Variants in GSE1 observed in about 807,000 individuals in gnomAD.
The protein encoded by GSE1 is genetic suppressor element 1.
GSE1 carries 32 observed loss-of-function variants against 112.6 expected under a neutral mutation model. The ratio of observed to expected loss-of-function variants is 0.28; its 90% CI spans 0.21 to 0.38. The LOEUF is 0.38. Among genes scored for constraint, GSE1 ranks in the 10% least tolerant of loss-of-function variants. GSE1 has a pLI of 1.00. For missense variants in GSE1, 2,348 were observed against 1,699.2 expected, an observed-to-expected ratio of 1.38 and a Z score of -6.71; for synonymous variants, 1,115 against 735.6, an observed-to-expected ratio of 1.52 and a Z score of -8.35.
intron 11 of GSE1, chr16:85,664,558 G>C (rs2052682239): frequency 1.3e-5 from 2 of 154,942 alleles, no homozygotes; most frequent in Admixed American, 1.3e-4. Context: ...TGACATCAGG[G>C]ATCTGCTGCG....
chr16:85,596,844 T>A (rs1443761285), intron 1 of GSE1, among the ~76,000 whole-genome samples: 2 of 152,162 alleles, frequency 1.3e-5, no homozygotes, highest in Non-Finnish European at 2.9e-5. Flanking sequence ...GAGATCAGCC[T>A]GGCCAATGTG....
At chr16:85,283,665 A>C (rs2044925589) in intron 1 of GSE1, 1 of 152,308 alleles carries the variant, frequency 6.6e-6, no homozygotes, top group Non-Finnish European at 1.5e-5. Context: ...CCACAGCCCA[A>C]GGAAGGGCGC....
chr16:85,535,015 T>G (rs2044274767), intron 2 of GSE1, among the ~76,000 whole-genome samples: 1 of 152,210 alleles, frequency 6.6e-6, no homozygotes. Context: ...CACCTGTTTC[T>G]TAGAGCTGAT....
chr16:85,516,622 C>T (rs2051950526), intron 2 of GSE1, among the ~76,000 whole-genome samples: 1 of 150,834 alleles, frequency 6.6e-6, no homozygotes, highest in Admixed American at 6.6e-5. Context: ...AAGAAATTAC[C>T]CGAGACTCAG....
At chr16:85,334,828 C>G (rs971815523) in intron 1 of GSE1, among the ~76,000 whole-genome samples, 1 of 152,204 alleles carries the variant, frequency 6.6e-6, no homozygotes, top group Non-Finnish European at 1.5e-5. Context: ...AAAAGCTGTC[C>G]TTTTGTAAAA....
chr16:85,180,500 A>G (rs1336141783), intron 1 of GSE1, among the ~76,000 whole-genome samples: 1 of 152,258 alleles, frequency 6.6e-6, no homozygotes, highest in Non-Finnish European at 1.5e-5. Flanking sequence ...TGTCAGTGGC[A>G]GCAGCAGAGG....
At chr16:85,522,524 GCTGTTCTGAGAACTGC>G (rs2052222063) in intron 2 of GSE1, among the ~76,000 whole-genome samples, 1 of 152,196 alleles carries the variant, frequency 6.6e-6, no homozygotes, top group East Asian at 1.9e-4. Flanking sequence ...AGCCAGTGGT[GCTGTTCTGAGAACTGC>G]CTGTGTCTCC....
At chr16:85,366,931 G>A (rs1012710927) in intron 2 of GSE1, among the ~76,000 whole-genome samples, 9 of 152,334 alleles carry the variant, frequency 5.9e-5, no homozygotes, top group Admixed American at 1.3e-4. Context: ...AGCAGGAGTG[G>A]CTGTTCTGGA....
chr16:85,443,676 A>G (rs545689849), intron 2 of GSE1, among the ~76,000 whole-genome samples: 2 of 152,194 alleles, frequency 1.3e-5, no homozygotes, highest in African/African-American at 4.8e-5. Context: ...AGGAGGTGCA[A>G]TGCCACATCC....
At chr16:85,637,673 A>T (rs2151785348) in intron 2 of GSE1, among the ~76,000 whole-genome samples, 1 of 152,204 alleles carries the variant, frequency 6.6e-6, no homozygotes, top group East Asian at 1.9e-4. Flanking sequence ...TGTAAGTGGC[A>T]TGGGGAATTC....
At chr16:85,302,284 G>A (rs754859906) in intron 1 of GSE1, among the ~76,000 whole-genome samples, 17 of 152,096 alleles carry the variant, frequency 1.1e-4, no homozygotes, top group East Asian at 1.9e-4. Context: ...GGGGTGACTC[G>A]GAGTCATCCT....
intron 1 of GSE1, among the ~76,000 whole-genome samples, chr16:85,268,492 G>C (rs1337651951): frequency 6.6e-6 from 1 of 152,160 alleles, no homozygotes; most frequent in Admixed American, 6.5e-5. Context: ...GAGTGGGGAG[G>C]GGGGTTGCCA....
At chr16:85,361,644 C>G (rs2151580501) in intron 2 of GSE1, among the ~76,000 whole-genome samples, 1 of 152,324 alleles carries the variant, frequency 6.6e-6, no homozygotes, top group South Asian at 2.1e-4. Context: ...GTTTCTGACC[C>G]CCACTTCCCT....
chr16:85,337,524 C>G (rs1202920856), intron 1 of GSE1, among the ~76,000 whole-genome samples: 1 of 152,062 alleles, frequency 6.6e-6, no homozygotes, highest in Non-Finnish European at 1.5e-5. Context: ...CCAGGATGGT[C>G]TCGATCTCCT....
chr16:85,286,310 A>G (rs2045023124), intron 1 of GSE1, among the ~76,000 whole-genome samples: 1 of 152,260 alleles, frequency 6.6e-6, no homozygotes, highest in Admixed American at 6.5e-5. Flanking sequence ...GACTCATTCC[A>G]GATGGGAACA....
Position 85,480,425 on chromosome 16 carries a change from C to T in GSE1, c.2464+122782C>T, listed in dbSNP as rs143753402. On this transcript the variant is annotated intron_variant, in intron 2 of 2. Transcript: ENST00000637419. Reference sequence around the variant, plus strand: ...GAGCCTCCACCCCCCTCTGCCTGCTCCAGGGTCCCTGGTGAGCTCTGCCGC... The same window carrying T: ...GAGCCTCCACCCCCCTCTGCCTGCTTCAGGGTCCCTGGTGAGCTCTGCCGC... 1.9e-3 allele frequency among the ~76,000 whole-genome samples: 283 copies of T among 152,306 alleles called. 1 individual carries two copies. The highest frequency in any genetic ancestry group is 3.5e-3 in the Non-Finnish European group (236 of 68,022).
intron 1 of GSE1, among the ~76,000 whole-genome samples, chr16:85,579,250 T>TA (rs2046352734): frequency 6.6e-6 from 1 of 152,088 alleles, no homozygotes; most frequent in Non-Finnish European, 1.5e-5. Flanking sequence ...CAGAGGGCTC[T>TA]ACCCTTGGGG....
At chr16:85,269,922 C>G (rs1441283114) in intron 1 of GSE1, among the ~76,000 whole-genome samples, 2 of 149,494 alleles carry the variant, frequency 1.3e-5, no homozygotes, top group African/African-American at 4.8e-5. Flanking sequence ...TCTGTGGACG[C>G]TTTGGAGGGC....
intron 1 of GSE1, among the ~76,000 whole-genome samples, chr16:85,561,412 C>T (rs181773510): frequency 2.0e-5 from 3 of 152,050 alleles, no homozygotes; most frequent in East Asian, 1.9e-4. Flanking sequence ...TTGGCAGCGG[C>T]GCCCTCCGAG....
Sources: allele counts gnomAD v4.1 joint callset (sites outside exome capture counted in the v4.1 genomes callset), GRCh38; gene constraint gnomAD v4.1.1; transcripts MANE v1.5; gene names NCBI Gene and HGNC (gene_info 2026-07-23, HGNC 2026-07-21).